PCDH9: variants seen among roughly 807,000 people sequenced by gnomAD.
PCDH9 encodes the protein protocadherin 9, also known as protocadherin-9.
In PCDH9, 24 loss-of-function variants were observed where a neutral mutation model predicts 70.6. That is an observed-to-expected ratio of 0.34 (90% CI 0.25 to 0.48). The LOEUF (loss-of-function observed/expected upper bound fraction) is 0.48, where lower values mean the gene tolerates loss of function less well. Ranked by LOEUF, PCDH9 falls within the 20% of genes least tolerant of loss-of-function variation. The pLI, the probability that PCDH9 is intolerant of heterozygous loss-of-function variation, is 0.99. For synonymous variants in PCDH9, 562 were observed against 558.5 expected (o/e 1.01, Z -0.09); for missense variants, 1,281 against 1,503.6 (o/e 0.85, Z 2.45).
rs181789540 is a variant in PCDH9, at chr13:66,346,431, G to T, written c.3341-41403C>A. On this transcript the variant is annotated intron_variant, in intron 4 of 4. Transcript: ENST00000377865. Reference sequence around the variant, plus strand: ...CACAGGCAGAGAGCTTAGAAAATGTGGTTGCTGAAATAACTAACCTTTTAG... The same window carrying T: ...CACAGGCAGAGAGCTTAGAAAATGTTGTTGCTGAAATAACTAACCTTTTAG... 4.8e-3 allele frequency among the ~76,000 whole-genome samples: 730 copies of T among 152,264 alleles called. 1 individual carries two copies. Among genetic ancestry groups the T allele is most frequent in the African/African-American group, 0.017 (688 of 41,542 alleles).
At chr13:66,638,375 A>T (rs1180623629) in intron 3 of PCDH9, among the ~76,000 whole-genome samples, 1 of 152,198 alleles carries the variant, frequency 6.6e-6, no homozygotes, top group Non-Finnish European at 1.5e-5. Flanking sequence ...AAATCTAGGT[A>T]AGAAAAAAAA....
intron 4 of PCDH9, among the ~76,000 whole-genome samples, chr13:66,594,502 A>C (rs1375091768): frequency 7.4e-6 from 1 of 135,528 alleles, no homozygotes; most frequent in African/African-American, 2.9e-5. Context: ...ATTTTATTTT[A>C]TTTTATTTTA....
At chr13:67,151,084 A>G (rs939848922) in intron 2 of PCDH9, among the ~76,000 whole-genome samples, 3 of 152,032 alleles carry the variant, frequency 2.0e-5, no homozygotes, top group Admixed American at 1.3e-4. Context: ...ATCCAGAAAA[A>G]TTCTCCATCT....
At chr13:66,451,593 A>T (rs1478850335) in intron 4 of PCDH9, among the ~76,000 whole-genome samples, 1 of 152,222 alleles carries the variant, frequency 6.6e-6, no homozygotes, top group African/African-American at 2.4e-5. Flanking sequence ...AGTACATTTT[A>T]TATTCAAAAC....
chr13:67,211,890 TA>T lies in PCDH9; in HGVS notation c.3036+13514del, dbSNP rs1461014710. ...ACATGTCCTTTCAACGTACGAAGGC[TA>T]AAACATTTTTTCAAAATATCATGAC... On this transcript the variant is annotated intron_variant, in intron 2 of 4. Transcript: ENST00000377865. 5.9e-5 allele frequency: 9 copies of T among 152,202 alleles called. No individual in the cohort carries two copies. In the East Asian group the frequency reaches 1.7e-3, roughly 29 times the overall value. 9.4% of individuals were successfully genotyped at this position (152,202 alleles called of 1,614,324 possible).
chr13:66,382,962 A>T (rs1956873058), intron 4 of PCDH9, among the ~76,000 whole-genome samples: 1 of 152,128 alleles, frequency 6.6e-6, no homozygotes, highest in Non-Finnish European at 1.5e-5. Flanking sequence ...TGGGAGGTGG[A>T]GGTTGCAGTG....
At chr13:67,055,613 C>T (rs1454614816) in intron 2 of PCDH9, among the ~76,000 whole-genome samples, 1 of 147,650 alleles carries the variant, frequency 6.8e-6, no homozygotes, top group East Asian at 2.0e-4. Flanking sequence ...GGTGTTCAAG[C>T]CTAGGCAACA....
At chr13:67,038,295 T>C (rs1171334597) in intron 2 of PCDH9, among the ~76,000 whole-genome samples, 1 of 152,178 alleles carries the variant, frequency 6.6e-6, no homozygotes, top group Non-Finnish European at 1.5e-5. Flanking sequence ...CTTTAGAATA[T>C]AAAATGAATT....
At chr13:66,690,442 G>C (rs1207148000) in intron 3 of PCDH9, among the ~76,000 whole-genome samples, 1 of 152,014 alleles carries the variant, frequency 6.6e-6, no homozygotes, top group Non-Finnish European at 1.5e-5. Flanking sequence ...CTATACAAAA[G>C]GTTACATTTG....
intron 3 of PCDH9, among the ~76,000 whole-genome samples, chr13:66,657,731 A>G (rs2077951953): frequency 6.6e-6 from 1 of 152,172 alleles, no homozygotes; most frequent in African/African-American, 2.4e-5. Context: ...TGGAGCAGGG[A>G]ACAACATCCT....
intron 2 of PCDH9, among the ~76,000 whole-genome samples, chr13:66,992,153 T>C (rs1291821032): frequency 6.6e-6 from 1 of 152,150 alleles, no homozygotes; most frequent in Non-Finnish European, 1.5e-5. Context: ...AGTGAGCACA[T>C]TATAACCAGA....
At chr13:66,708,733 G>A (rs2078751548) in intron 3 of PCDH9, among the ~76,000 whole-genome samples, 2 of 152,154 alleles carry the variant, frequency 1.3e-5, no homozygotes, top group Non-Finnish European at 2.9e-5. Context: ...TCAGTGATAG[G>A]AGAATCAAAT....
chr13:67,226,210 G>A lies in PCDH9; in HGVS notation c.2231C>T (p.Thr744Ile). Reference sequence around the variant, plus strand: ...CACCAAACGATGCAATCCCACATCAGTAGGTGCTGGTTTTTCTTCCAGAGT... The same window carrying A: ...CACCAAACGATGCAATCCCACATCAATAGGTGCTGGTTTTTCTTCCAGAGT... ...NITLEEKPAPTDVGLHRLVVN... is the reference protein window; with the variant it reads ...NITLEEKPAPIDVGLHRLVVN... Residue 744 changes from threonine (T) to isoleucine (I), a missense_variant, in exon 2 of 5, where the codon ACT (threonine) becomes ATT (isoleucine). This residue lies in a region of PCDH9 where 798 missense variants were observed against 1,003.1 expected (regional missense o/e 0.80). Coordinates refer to ENST00000377865, the MANE Select transcript of PCDH9 (RefSeq NM_203487.3). This position sits in a 1 kb window ranked among gnomAD's most constrained non-coding sequence, Gnocchi z 5.0. The A allele has an allele frequency of 6.2e-7, 1 of 1,614,124 alleles. No homozygotes were observed. Among genetic ancestry groups the A allele is most frequent in the Non-Finnish European group, 8.5e-7 (1 of 1,179,988 alleles).
intron 4 of PCDH9, among the ~76,000 whole-genome samples, chr13:66,373,205 C>T (rs904496742): frequency 5.3e-5 from 8 of 151,908 alleles, no homozygotes; most frequent in East Asian, 1.9e-4. Flanking sequence ...ACCTTAAGGA[C>T]GTTATGCCAG....
chr13:67,101,373 A>T (rs574621773), intron 2 of PCDH9, among the ~76,000 whole-genome samples: 51 of 152,328 alleles, frequency 3.3e-4, no homozygotes, highest in African/African-American at 1.2e-3. Flanking sequence ...TTGGTATTTT[A>T]TATTTCAGCT....
intron 3 of PCDH9, among the ~76,000 whole-genome samples, chr13:66,667,148 C>T (rs1339682084): frequency 6.6e-6 from 1 of 152,084 alleles, no homozygotes; most frequent in Non-Finnish European, 1.5e-5. Context: ...TAAAATGGAT[C>T]TAACAGTGGA....
chr13:67,076,606 T>G (rs1381560635), intron 2 of PCDH9, among the ~76,000 whole-genome samples: 1 of 152,114 alleles, frequency 6.6e-6, no homozygotes, highest in East Asian at 1.9e-4. Context: ...GAAGCATTAC[T>G]TAAATCAAGA....
intron 3 of PCDH9, among the ~76,000 whole-genome samples, chr13:66,902,586 G>A (rs1594233256): frequency 6.6e-6 from 1 of 151,302 alleles, no homozygotes; most frequent in South Asian, 2.1e-4. Flanking sequence ...ACACACATAC[G>A]CATACACATG....
chr13:67,172,215 G>T (rs1178186281), intron 2 of PCDH9, among the ~76,000 whole-genome samples: 4 of 152,102 alleles, frequency 2.6e-5, no homozygotes, highest in African/African-American at 4.8e-5. Context: ...TAGCATGATT[G>T]TTCTCACGGC....
Sources: allele counts gnomAD v4.1 joint callset (sites outside exome capture counted in the v4.1 genomes callset), GRCh38; gene constraint gnomAD v4.1.1; regional missense constraint gnomAD v4.1.1; non-coding constraint Gnocchi (gnomAD v3.1); transcripts MANE v1.5; gene names NCBI Gene and HGNC (gene_info 2026-07-23, HGNC 2026-07-21).